PDLIM7: variants seen among roughly 807,000 people sequenced by gnomAD.
The protein encoded by PDLIM7 is PDZ and LIM domain 7.
In PDLIM7, 37 loss-of-function variants were observed where a neutral mutation model predicts 53.9. The ratio of observed to expected loss-of-function variants is 0.69; its 90% CI spans 0.53 to 0.90. The LOEUF is 0.90. Among genes scored for constraint, PDLIM7 ranks in the 40% least tolerant of loss-of-function variants. The pLI, the probability that PDLIM7 is intolerant of heterozygous loss-of-function variation, is 0.00. For missense variants in PDLIM7, 617 were observed against 638.5 expected (o/e 0.97, Z 0.36); for synonymous variants, 300 against 261.3 (o/e 1.15, Z -1.43).
chr5:177,490,712 GGGAAGGAAGGAA>G (rs573434723), intron 7 of PDLIM7, 146 bp downstream of exon 7: 59,935 of 623,682 alleles, frequency 0.096, 3,037 homozygotes, highest in African/African-American at 0.14. Flanking sequence ...GAAGGAGGAA[GGGAAGGAAGGAA>G]GGAAGGAAGG....
Position 177,488,048 on chromosome 5 carries a change from CGCCA to C in PDLIM7, c.1050+16_1050+19del. On this transcript the variant is annotated intron_variant, in intron 10 of 12. Transcript: ENST00000355841. ...ACTGACAGGCTTGGGACCACCTCCC[CGCCA>C]GCCAGCCCTACTCACGCCTGTAATC... 1 of 1,560,948 alleles carries C rather than the reference CGCCA, an allele frequency of 6.4e-7. No homozygotes were observed. The highest frequency in any genetic ancestry group is 8.7e-7 in the Non-Finnish European group (1 of 1,151,808).
In PDLIM7 at chr5:177,484,157, C is replaced by T. The variant is rs1303799262; in HGVS notation, c.1084G>A (p.Val362Met). ...IMHALKMTWH[V>M]HCFTCAACKT... ...CAGGCAGCACAGGTAAAGCAGTGCACGTGCCAGGTCATCTTCAGGGCGTGC... is the reference window on the plus strand; with the variant it reads ...CAGGCAGCACAGGTAAAGCAGTGCATGTGCCAGGTCATCTTCAGGGCGTGC... Residue 362 changes from valine (V) to methionine (M), a missense_variant, in exon 11 of 13, where the codon GTG (valine) becomes ATG (methionine). Transcript: ENST00000355841. 19 of 1,613,768 alleles carry T rather than the reference C, an allele frequency of 1.2e-5. 1 individual carries two copies. Among genetic ancestry groups the T allele is most frequent in the South Asian group, 2.2e-5 (2 of 91,088 alleles).
chr5:177,491,334 G>T, intron 5 of PDLIM7, 188 bp from the exon 6 acceptor site: 1 of 1,533,994 alleles, frequency 6.5e-7, no homozygotes, highest in Non-Finnish European at 8.8e-7. Flanking sequence ...GGCAGCCAGG[G>T]TGGGGAGGGG....
chr5:177,497,349 A>G (rs1182157009), intron 1 of PDLIM7, among the ~76,000 whole-genome samples, 179 bp downstream of exon 1: 2 of 151,948 alleles, frequency 1.3e-5, no homozygotes, highest in East Asian at 2.0e-4. Flanking sequence ...GCAGGCGCCA[A>G]TCGGCCCCGC....
chr5:177,491,953 G>A (rs985189074), intron 4 of PDLIM7, 28 bp from the exon 5 acceptor site: 1 of 853,574 alleles, frequency 1.2e-6, no homozygotes, highest in South Asian at 3.5e-5. Context: ...CGGGCAGGGC[G>A]GGCGGGCAGG....
rs373368103 is a variant in PDLIM7 at position 177,492,689 on chromosome 5, G to A, written c.97-12C>T. ...CCCCCAGGAGTGAGCTGTGGAGAGA[G>A]AAGCAAAGTGACCGAGGCCCTGGAC... On this transcript the variant is annotated splice_polypyrimidine_tract_variant and intron_variant, in intron 2 of 12. Transcript: ENST00000355841. 2.0e-5 allele frequency: 32 copies of A among 1,597,538 alleles called. No homozygotes were observed. In the African/African-American group the frequency reaches 2.0e-4, roughly 10 times the overall value.
rs759792689 is a variant in PDLIM7, at chr5:177,489,538, C to T, written c.724G>A (p.Val242Met). Reference protein sequence around the residue: ...ERYAPDKTSTVLTRHSQPATP... With the variant: ...ERYAPDKTSTMLTRHSQPATP... ...GCCGGCTGGCTGTGCCGGGTCAGCACTGTGCTCGTTTTGTCCGGGGCATAG... is the reference window on the plus strand; with the variant it reads ...GCCGGCTGGCTGTGCCGGGTCAGCATTGTGCTCGTTTTGTCCGGGGCATAG... The change falls in exon 9 of 13, where the codon GTG becomes ATG. Residue 242 changes from valine (V) to methionine (M), a missense_variant. Physicochemically the swap from Val to Met is conservative, Grantham distance 21. Coordinates refer to ENST00000355841, the MANE Select transcript of PDLIM7 (RefSeq NM_005451.5). 6.2e-7 allele frequency: 1 copy of T among 1,610,484 alleles called. No homozygotes were observed. Among genetic ancestry groups the T allele is most frequent in the Non-Finnish European group, 8.5e-7 (1 of 1,179,128 alleles).
chr5:177,489,581 G>T lies in PDLIM7; in HGVS notation c.681C>A (p.Asp227Glu). ...GGGCATAGCGCTCGGCAAACGCAGG[G>T]TCCACAGCCCAGGGCGGGCGGCTGG... is the stretch of plus-strand genomic sequence containing the variant. ...SPTSRPPWAVDPAFAERYAPD... is the reference protein window; with the variant it reads ...SPTSRPPWAVEPAFAERYAPD... Residue 227 changes from aspartate (D) to glutamate (E), a missense_variant, in exon 9 of 13, where the codon GAC becomes GAA. Coordinates refer to ENST00000355841, the MANE Select transcript of PDLIM7 (RefSeq NM_005451.5). 1 of 1,609,896 alleles carries T rather than the reference G, an allele frequency of 6.2e-7. No homozygotes were observed. Among genetic ancestry groups the T allele is most frequent in the Non-Finnish European group, 8.5e-7 (1 of 1,178,904 alleles).
At position 177,484,313 on chromosome 5, in the gene PDLIM7, G is replaced by A; in HGVS notation, c.1051-123C>T. On this transcript the variant is annotated intron_variant, in intron 10 of 12. Coordinates refer to ENST00000355841, the MANE Select transcript of PDLIM7 (RefSeq NM_005451.5). ...CTCGCGGTAAACACTACATCTAACT[G>A]TTCAGGACTCCCACACCTCCATCTC... 11 of 1,203,380 alleles carry A rather than the reference G, an allele frequency of 9.1e-6. No homozygotes were observed. In the South Asian group the frequency reaches 1.4e-4, roughly 16 times the overall value. 74.5% of individuals were successfully genotyped at this position (1,203,380 alleles called of 1,614,324 possible). A position where few individuals can be genotyped will look rare whatever the true frequency, so the allele number is the denominator to read the frequency against.
Position 177,487,583 on chromosome 5 carries a change from G to A in PDLIM7, c.1050+485C>T, listed in dbSNP as rs188591842. On this transcript the variant is annotated intron_variant, in intron 10 of 12. Transcript: ENST00000355841. Reference sequence around the variant, plus strand: ...AGATCAGTCCCAGACCACCCACCCCGGGATGTTTTTAGATGAGAAATAAGC... The same window carrying A: ...AGATCAGTCCCAGACCACCCACCCCAGGATGTTTTTAGATGAGAAATAAGC... Among the ~76,000 whole-genome samples the A allele has an allele frequency of 4.9e-4, 75 of 152,324 alleles. No individual in the cohort carries two copies. In the South Asian group the frequency reaches 8.1e-3, roughly 16 times the overall value.
rs566348171 is a variant in PDLIM7 at position 177,488,348 on chromosome 5, G to A, written c.870-100C>T. The A allele has an allele frequency of 4.2e-6, 4 of 948,676 alleles. No individual in the cohort carries two copies. In the East Asian group the frequency reaches 7.8e-5, roughly 19 times the overall value. The allele number at this position is 948,676 out of a possible 1,614,324, so 58.8% of individuals were successfully genotyped here. On this transcript the variant is annotated intron_variant, in intron 9 of 12. Coordinates refer to ENST00000355841, the MANE Select transcript of PDLIM7 (RefSeq NM_005451.5). ...ACCACCCACCAGGAGGCCTTGGGAG[G>A]GACAGTTCATTCTCCCCATTTTCCA... is the stretch of plus-strand genomic sequence containing the variant.
intron 10 of PDLIM7, among the ~76,000 whole-genome samples, chr5:177,485,265 G>A (rs534280273): frequency 6.6e-6 from 1 of 152,212 alleles, no homozygotes. Context: ...TGGGTGAGTC[G>A]ACTGGCCTCC....
intron 2 of PDLIM7, among the ~76,000 whole-genome samples, chr5:177,494,809 C>A (rs967655969): frequency 3.3e-5 from 5 of 152,138 alleles, no homozygotes; most frequent in African/African-American, 1.2e-4. Context: ...CCCAGCCCCC[C>A]AGTCCCAGAC....
intron 2 of PDLIM7, among the ~76,000 whole-genome samples, chr5:177,495,517 C>T (rs944807224): frequency 7.2e-5 from 11 of 152,232 alleles, no homozygotes; most frequent in Non-Finnish European, 1.3e-4. Context: ...CTCACCCACT[C>T]TGGGCAGGCA....
intron 3 of PDLIM7, 30 bp downstream of exon 3, chr5:177,492,496 G>A (rs556853115): frequency 9.9e-6 from 16 of 1,613,624 alleles, no homozygotes; most frequent in Admixed American, 3.3e-5. Flanking sequence ...CTGCCAGCGC[G>A]GGCGCACCCA....
chr5:177,489,215 G>A (rs1443433644), intron 9 of PDLIM7, among the ~76,000 whole-genome samples, 178 bp downstream of exon 9: 2 of 152,226 alleles, frequency 1.3e-5, no homozygotes, highest in Non-Finnish European at 2.9e-5. Flanking sequence ...TGGGTGGGCT[G>A]GGGTAGGTAG....
chr5:177,489,643 A>T lies in PDLIM7; in HGVS notation c.635-16T>A, dbSNP rs1378374359. 1.3e-6 allele frequency: 2 copies of T among 1,561,450 alleles called. No individual in the cohort carries two copies. The highest frequency in any genetic ancestry group is 1.8e-5 in the Admixed American group (1 of 54,118). ...GCGGTAGGGCCTGCCGGGGAAAGTG[A>T]CTCTAAAGGGGTGCCCAGGGACCCC... On this transcript the variant is annotated splice_polypyrimidine_tract_variant and intron_variant, in intron 8 of 12. Coordinates refer to ENST00000355841, the MANE Select transcript of PDLIM7 (RefSeq NM_005451.5).
chr5:177,489,896 C>A (rs1758659273), intron 7 of PDLIM7, 64 bp from the exon 8 acceptor site: 1 of 1,544,436 alleles, frequency 6.5e-7, no homozygotes, highest in Admixed American at 2.0e-5. Context: ...CACCCCCCAA[C>A]CTGGGTCCTG....
At chr5:177,488,354 T>C in intron 9 of PDLIM7, 106 bp from the exon 10 acceptor site, 4 of 867,462 alleles carry the variant, frequency 4.6e-6, no homozygotes, top group South Asian at 1.7e-5. Flanking sequence ...GGAGGGACAG[T>C]TCATTCTCCC....
Sources: gnomAD v4.1 joint callset for allele counts (sites outside exome capture counted in the v4.1 genomes callset) on GRCh38, gnomAD v4.1.1 for gene constraint, MANE v1.5 for transcripts, NCBI Gene and HGNC (gene_info 2026-07-23, HGNC 2026-07-21) for gene names.